The following ITSN1 variants were observed in gnomAD, a reference collection of about 807,000 sequenced individuals.
ITSN1 encodes intersectin-1.
In ITSN1, 58 loss-of-function variants were observed where a neutral mutation model predicts 239.8. The observed-to-expected ratio is 0.24, with a 90% CI of 0.20 to 0.30. The LOEUF is 0.30. Among genes scored for constraint, ITSN1 ranks in the 10% least tolerant of loss-of-function variants. The probability of loss-of-function intolerance (pLI) is 1.00; values close to 1 mark genes in which losing one functional copy is unlikely to be tolerated. For missense variants in ITSN1, 1,558 were observed against 2,103.3 expected, an observed-to-expected ratio of 0.74 and a Z score of 5.07; for synonymous variants, 780 against 770.8, an observed-to-expected ratio of 1.01 and a Z score of -0.20.
intron 34 of ITSN1, among the ~76,000 whole-genome samples, chr21:33,879,277 G>A (rs1441188813): frequency 1.3e-5 from 2 of 152,192 alleles, no homozygotes; most frequent in Non-Finnish European, 2.9e-5. Context: ...CTTGAGCCCA[G>A]GAGTTTGAGG....
At chr21:33,664,748 T>C (rs1466612988) in intron 1 of ITSN1, among the ~76,000 whole-genome samples, 4 of 152,234 alleles carry the variant, frequency 2.6e-5, no homozygotes, top group Admixed American at 6.5e-5. Context: ...ATGATTGTTA[T>C]TATTCTTATC....
chr21:33,803,626 A>G (rs922495513), intron 20 of ITSN1, among the ~76,000 whole-genome samples: 3 of 152,226 alleles, frequency 2.0e-5, no homozygotes, highest in Admixed American at 6.5e-5. Flanking sequence ...TGAAATATAT[A>G]TATCAAACTG....
At chr21:33,827,633 C>T (rs1021810392) in intron 26 of ITSN1, among the ~76,000 whole-genome samples, 1 of 152,054 alleles carries the variant, frequency 6.6e-6, no homozygotes, top group Non-Finnish European at 1.5e-5. Flanking sequence ...TGGTTTTCCT[C>T]GGTACACATT....
At chr21:33,764,607 A>G (rs915530025) in intron 9 of ITSN1, among the ~76,000 whole-genome samples, 2 of 152,192 alleles carry the variant, frequency 1.3e-5, no homozygotes, top group Non-Finnish European at 2.9e-5. Flanking sequence ...ATGTTTGTCA[A>G]AACTCTCAGA....
chr21:33,749,822 C>G (rs1369785843), intron 5 of ITSN1, among the ~76,000 whole-genome samples: 3 of 151,874 alleles, frequency 2.0e-5, no homozygotes, highest in African/African-American at 7.3e-5. Flanking sequence ...CCTTTTTTGA[C>G]CAGTTAGGAT....
chr21:33,737,825 C>T (rs8127637), intron 5 of ITSN1, among the ~76,000 whole-genome samples: 5,642 of 152,196 alleles, frequency 0.037, 361 homozygotes, highest in African/African-American at 0.13. Flanking sequence ...CCACCCACCT[C>T]AGCCTCCCAA....
At chr21:33,794,736 G>A (rs1460075259) in intron 17 of ITSN1, among the ~76,000 whole-genome samples, 5 of 152,190 alleles carry the variant, frequency 3.3e-5, no homozygotes, top group South Asian at 2.1e-4. Flanking sequence ...GACACTTGGT[G>A]TGCTCATTTG....
chr21:33,728,876 C>T (rs1004056829), intron 4 of ITSN1, among the ~76,000 whole-genome samples: 1 of 152,010 alleles, frequency 6.6e-6, no homozygotes, highest in Non-Finnish European at 1.5e-5. Flanking sequence ...AGATGCCCAG[C>T]CCCCCACTCC....
intron 1 of ITSN1, among the ~76,000 whole-genome samples, chr21:33,657,426 A>G (rs973813405): frequency 6.6e-6 from 1 of 152,064 alleles, no homozygotes; most frequent in Admixed American, 6.6e-5. Context: ...AGGACTTCCC[A>G]ATTCCCTTTG....
At chr21:33,730,675 C>T (rs192558481) in intron 4 of ITSN1, among the ~76,000 whole-genome samples, 1 of 148,816 alleles carries the variant, frequency 6.7e-6, no homozygotes, top group Non-Finnish European at 1.5e-5. Context: ...GCTGGGATTA[C>T]AGGCGTGAGC....
chr21:33,863,349 T>C (rs776777454), intron 31 of ITSN1, among the ~76,000 whole-genome samples: 2 of 152,196 alleles, frequency 1.3e-5, no homozygotes, highest in Non-Finnish European at 2.9e-5. Flanking sequence ...CTTCATCCTT[T>C]AATAAAAAAC....
At chr21:33,694,461 AT>A (rs2091701559) in intron 1 of ITSN1, among the ~76,000 whole-genome samples, 1 of 152,180 alleles carries the variant, frequency 6.6e-6, no homozygotes, top group South Asian at 2.1e-4. Context: ...TTATTTTCTT[AT>A]GGCAGATTTG....
At chr21:33,785,854 C>G (rs1489176401) in intron 16 of ITSN1, among the ~76,000 whole-genome samples, 1 of 152,024 alleles carries the variant, frequency 6.6e-6, no homozygotes, top group Non-Finnish European at 1.5e-5. Flanking sequence ...TTTTAGGTGT[C>G]ATATTTATAT....
intron 14 of ITSN1, among the ~76,000 whole-genome samples, chr21:33,779,931 G>A (rs1025896868): frequency 8.6e-5 from 13 of 151,822 alleles, no homozygotes; most frequent in African/African-American, 1.7e-4. Flanking sequence ...TCCCGAGTTC[G>A]AGTGATTCTC....
At chr21:33,826,768 GC>G in intron 25 of ITSN1, 49 bp from the exon 26 acceptor site, 1 of 1,557,726 alleles carries the variant, frequency 6.4e-7, no homozygotes, top group South Asian at 1.1e-5. Flanking sequence ...TTTTAAAGTT[GC>G]ATGATCAAAA....
At chr21:33,753,645 C>T (rs978976081) in intron 7 of ITSN1, among the ~76,000 whole-genome samples, 5 of 151,456 alleles carry the variant, frequency 3.3e-5, no homozygotes, top group African/African-American at 1.2e-4. Context: ...ACCTGTAATC[C>T]CAGCTACTCG....
Position 33,865,817 on chromosome 21 carries a change from T to C in ITSN1, c.4074+483T>C, listed in dbSNP as rs1190999333. On this transcript the variant is annotated intron_variant, in intron 32 of 39. Coordinates refer to ENST00000381318, the MANE Select transcript of ITSN1 (RefSeq NM_003024.3). This position sits in a 1 kb window ranked among gnomAD's most constrained non-coding sequence, Gnocchi z 4.4. ...CTTAGACAGCCTGTGGGAGTCAGTG[T>C]GGGATGCCAGGACCTCTTCCTTGGA... Among the ~76,000 whole-genome samples, 3 of 152,010 alleles carry C rather than the reference T, an allele frequency of 2.0e-5. No homozygotes were observed. The highest frequency in any genetic ancestry group is 7.2e-5 in the African/African-American group (3 of 41,390).
intron 4 of ITSN1, among the ~76,000 whole-genome samples, chr21:33,730,148 A>G (rs1289347644): frequency 6.6e-6 from 1 of 152,012 alleles, no homozygotes; most frequent in Non-Finnish European, 1.5e-5. Context: ...TTATTTAAAT[A>G]CATAACAGAT....
intron 5 of ITSN1, among the ~76,000 whole-genome samples, chr21:33,742,656 C>A (rs2066935425): frequency 6.6e-6 from 1 of 152,138 alleles, no homozygotes; most frequent in Non-Finnish European, 1.5e-5. Context: ...CCCAACAAGC[C>A]TTCCTTTTGG....
Sources: gnomAD v4.1 joint callset for allele counts (sites outside exome capture counted in the v4.1 genomes callset) on GRCh38, gnomAD v4.1.1 for gene constraint, Gnocchi (gnomAD v3.1) non-coding constraint, MANE v1.5 for transcripts, NCBI Gene and HGNC (gene_info 2026-07-23, HGNC 2026-07-21) for gene names.